Variants in CFAP300 observed in about 807,000 individuals in gnomAD.
The protein encoded by CFAP300 is cilia- and flagella-associated protein 300.
In CFAP300, 32 loss-of-function variants were observed where a neutral mutation model predicts 33.0. That is an observed-to-expected ratio of 0.97 (90% confidence interval 0.73 to 1.30). CFAP300 has a LOEUF of 1.30. Ranked by LOEUF, CFAP300 falls within the 50% of genes most tolerant of loss-of-function variation. The pLI, the probability that CFAP300 is intolerant of heterozygous loss-of-function variation, is 0.00. For missense variants in CFAP300, 356 were observed against 318.1 expected (o/e 1.12, Z -0.90); for synonymous variants, 102 against 106.8 (o/e 0.95, Z 0.28).
chr11:102,063,629 A>C (rs1011184470), intron 3 of CFAP300, among the ~76,000 whole-genome samples: 1 of 152,072 alleles, frequency 6.6e-6, no homozygotes, highest in Non-Finnish European at 1.5e-5. Context: ...GGCATTTGAG[A>C]CTAGCCTGGG....
chr11:102,050,713 A>G (rs1941955862), intron 2 of CFAP300, among the ~76,000 whole-genome samples: 1 of 152,230 alleles, frequency 6.6e-6, no homozygotes, highest in East Asian at 1.9e-4. Context: ...TATAAAAGAC[A>G]GGACTCTTAA....
intron 1 of CFAP300, 106 bp from the exon 2 acceptor site, chr11:102,047,709 C>T (rs2135006078): frequency 3.4e-6 from 5 of 1,475,512 alleles, no homozygotes; most frequent in Non-Finnish European, 3.7e-6. Context: ...CCTGAGTGAA[C>T]CCCGAACCAC....
chr11:102,074,547 T>C (rs1334357422), intron 4 of CFAP300, among the ~76,000 whole-genome samples: 4 of 150,894 alleles, frequency 2.7e-5, no homozygotes, highest in Non-Finnish European at 5.9e-5. Flanking sequence ...GGTTCTACTT[T>C]GTTCAGGAAG....
At chr11:102,077,876 A>G (rs1162685673) in intron 5 of CFAP300, among the ~76,000 whole-genome samples, 3 of 151,056 alleles carry the variant, frequency 2.0e-5, no homozygotes, top group African/African-American at 7.3e-5. Flanking sequence ...CACCTGGCCT[A>G]TTTTATTTAT....
intron 1 of CFAP300, 34 bp from the exon 2 acceptor site, chr11:102,047,781 C>T (rs117249465): frequency 0.02 from 32,203 of 1,606,586 alleles, 503 homozygotes; most frequent in Middle Eastern, 0.039. Flanking sequence ...GGGTGCCAGC[C>T]CCCAGATGAT....
At chr11:102,054,001 T>G (rs1942011659) in intron 2 of CFAP300, among the ~76,000 whole-genome samples, 1 of 152,166 alleles carries the variant, frequency 6.6e-6, no homozygotes, top group South Asian at 2.1e-4. Context: ...TGGAACCAGT[T>G]TAGGAGAGCC....
At chr11:102,067,149 G>A (rs1233993500) in intron 4 of CFAP300, among the ~76,000 whole-genome samples, 10 of 152,172 alleles carry the variant, frequency 6.6e-5, no homozygotes, top group Non-Finnish European at 1.5e-5. Flanking sequence ...AGACCAGCCT[G>A]GGCAACATAG....
intron 4 of CFAP300, among the ~76,000 whole-genome samples, chr11:102,067,336 C>T (rs117532287): frequency 0.013 from 1,978 of 152,100 alleles, 17 homozygotes; most frequent in Non-Finnish European, 0.022. Context: ...CCAACCTGGG[C>T]GACAGAGCAA....
At chr11:102,061,663 G>A (rs943125680) in intron 3 of CFAP300, among the ~76,000 whole-genome samples, 9 of 152,266 alleles carry the variant, frequency 5.9e-5, no homozygotes, top group African/African-American at 2.2e-4. Flanking sequence ...ATAGTCAGAG[G>A]CATAAGCTAA....
intron 5 of CFAP300, among the ~76,000 whole-genome samples, chr11:102,079,696 G>A (rs954722240): frequency 8.5e-5 from 13 of 152,132 alleles, no homozygotes; most frequent in African/African-American, 3.1e-4. Context: ...AAAAAGTAGA[G>A]AAGAGGGTAT....
chr11:102,070,529 GTTTA>G (rs931918876), intron 4 of CFAP300, among the ~76,000 whole-genome samples: 12 of 151,056 alleles, frequency 7.9e-5, no homozygotes, highest in South Asian at 2.1e-4. Flanking sequence ...CTGTTTGTTT[GTTTA>G]TTTATTTATT....
intron 4 of CFAP300, among the ~76,000 whole-genome samples, chr11:102,069,487 A>T (rs1023303046): frequency 2.6e-5 from 4 of 152,300 alleles, no homozygotes; most frequent in Middle Eastern, 3.4e-3. Flanking sequence ...AAAAATTTTT[A>T]AAAATTATTA....
chr11:102,077,880 T>C (rs1014712537), intron 5 of CFAP300, among the ~76,000 whole-genome samples: 3 of 151,884 alleles, frequency 2.0e-5, no homozygotes, highest in Non-Finnish European at 4.4e-5. Context: ...TGGCCTATTT[T>C]ATTTATTTTT....
Position 102,047,857 on chromosome 11 carries a change from C to T in CFAP300, c.153C>T (p.Asp51=). The T allele has an allele frequency of 6.8e-6, 11 of 1,614,192 alleles. No individual in the cohort carries two copies. Among genetic ancestry groups the T allele is most frequent in the Non-Finnish European group, 9.3e-6 (11 of 1,180,028 alleles). The change falls in exon 2 of 7, where the codon GAC becomes GAT. Residue 51 remains aspartate, a synonymous_variant. Transcript: ENST00000434758. ...TCAAGGCGCAGGCGTTCGGCTTTGA[C>T]CAGACCTTTCAGTCCTATCGGAAGG... The part of the protein sequence containing the change: ...GRIKAQAFGF[D]QTFQSYRKDD...
intron 6 of CFAP300, among the ~76,000 whole-genome samples, chr11:102,082,630 A>G (rs1942490539): frequency 6.6e-6 from 1 of 152,168 alleles, no homozygotes; most frequent in African/African-American, 2.4e-5. Flanking sequence ...GATTTTATCC[A>G]TGTTTCCTGT....
At chr11:102,083,028 T>C in intron 6 of CFAP300, 43 bp from the exon 7 acceptor site, 2 of 1,038,450 alleles carry the variant, frequency 1.9e-6, no homozygotes, top group Non-Finnish European at 2.5e-6. Flanking sequence ...TATAAATACA[T>C]AAATAAAATA....
Position 102,081,206 on chromosome 11 carries a change from T to C in CFAP300, c.609-9T>C. On this transcript the variant is annotated splice_polypyrimidine_tract_variant and intron_variant, in intron 5 of 6. Transcript: ENST00000434758. ...ATATGTTAAAAGCACCTTTTCTTCC[T>C]TTTTTTAGTGTTCGAAAGAATCCTC... 6.3e-7 allele frequency: 1 copy of C among 1,590,318 alleles called. No individual in the cohort carries two copies. Among genetic ancestry groups the C allele is most frequent in the Non-Finnish European group, 8.6e-7 (1 of 1,169,486 alleles).
intron 4 of CFAP300, among the ~76,000 whole-genome samples, chr11:102,067,062 G>C (rs1191406995): frequency 1.3e-5 from 2 of 152,166 alleles, no homozygotes; most frequent in Non-Finnish European, 2.9e-5. Flanking sequence ...TCCCGGAGCT[G>C]GGCACAGTAG....
At chr11:102,055,954 C>A (rs1284939020) in intron 2 of CFAP300, among the ~76,000 whole-genome samples, 1 of 152,166 alleles carries the variant, frequency 6.6e-6, no homozygotes, top group East Asian at 1.9e-4. Context: ...CAGGCATGAG[C>A]CACCGCGCCC....
Sources: gnomAD v4.1 joint callset for allele counts (sites outside exome capture counted in the v4.1 genomes callset) on GRCh38, gnomAD v4.1.1 for gene constraint, MANE v1.5 for transcripts, NCBI Gene and HGNC (gene_info 2026-07-23, HGNC 2026-07-21) for gene names.